VSTM1: variants seen among roughly 807,000 people sequenced by gnomAD.
VSTM1 encodes V-set and transmembrane domain containing 1, also known as V-set and transmembrane domain-containing protein 1.
In VSTM1, 27 loss-of-function variants were observed where a neutral mutation model predicts 33.1. That is an observed-to-expected ratio of 0.82 (90% CI 0.60 to 1.12). The LOEUF (loss-of-function observed/expected upper bound fraction) is 1.12. Ranked by LOEUF, VSTM1 falls within the 50% of genes most tolerant of loss-of-function variation. VSTM1 has a pLI of 0.00. For synonymous variants in VSTM1, 115 were observed against 110.3 expected (o/e 1.04, Z -0.27); for missense variants, 304 against 288.9 (o/e 1.05, Z -0.38).
chr19:54,058,842 T>TATAA (rs1384714521), intron 1 of VSTM1, 110 bp from the exon 2 acceptor site: 5 of 496,322 alleles, frequency 1.0e-5, no homozygotes, highest in East Asian at 3.8e-5. Context: ...TATATATATA[T>TATAA]AATGTATATA....
Position 54,042,640 on chromosome 19 carries a change from G to A in VSTM1, c.395-271C>T, listed in dbSNP as rs181426674. ...AGAAAGGGCTGGAACAGTGCTTGGC[G>A]CATAGGAAATTCCAAAAATTCCCAG... On this transcript the variant is annotated intron_variant, in intron 4 of 8. Transcript: ENST00000338372. 5.6e-3 allele frequency among the ~76,000 whole-genome samples: 851 copies of A among 151,296 alleles called. 9 individuals are homozygous for A. Among genetic ancestry groups the A allele is most frequent in the African/African-American group, 0.019 (792 of 41,242 alleles).
chr19:54,058,269 A>T (rs2071204908), intron 3 of VSTM1, 37 bp downstream of exon 3: 4 of 1,552,426 alleles, frequency 2.6e-6, no homozygotes, highest in Non-Finnish European at 3.5e-6. Context: ...CAAACCAAAG[A>T]AATGTGTGCA....
At chr19:54,059,626 G>A (rs1296081203) in intron 1 of VSTM1, among the ~76,000 whole-genome samples, 5 of 150,772 alleles carry the variant, frequency 3.3e-5, no homozygotes, top group East Asian at 4.0e-4. Flanking sequence ...GTGTGCCATC[G>A]TGCCCAGCTA....
In VSTM1 at chr19:54,063,887, T is replaced by G. The variant is rs2071522037; in HGVS notation, c.-110A>C. ...GGCTGCCCGGTTCGTCCCCAGGATG[T>G]GCAGATAGAGGAGGTTTTGCTCTGA... On this transcript the variant is annotated 5_prime_UTR_variant, in exon 1 of 9. Transcript: ENST00000338372. 4 of 1,226,388 alleles carry G rather than the reference T, an allele frequency of 3.3e-6. No individual in the cohort carries two copies. The highest frequency in any genetic ancestry group is 1.6e-5 in the African/African-American group (1 of 64,248). The allele number at this position is 1,226,388 out of a possible 1,614,324, so 76.0% of individuals were successfully genotyped here. A position where few individuals can be genotyped will look rare whatever the true frequency, so the allele number is the denominator to read the frequency against.
Position 54,058,710 on chromosome 19 carries a change from A to T in VSTM1, c.57T>A (p.Asp19Glu). Reference protein sequence around the residue: ...LCLGLCLGYEDEKKNEKPPKP... With the variant: ...LCLGLCLGYEEEKKNEKPPKP... ...GAGAAAACTCACCATTCTTTTTCTC[A>T]TCTTCGTAGCCCAGACACAGCCCTG... The change falls in exon 2 of 9, where the codon GAT becomes GAA. Residue 19 changes from aspartate (D) to glutamate (E), a missense_variant. Coordinates refer to ENST00000338372, the MANE Select transcript of VSTM1 (RefSeq NM_198481.4). The T allele has an allele frequency of 1.2e-6, 2 of 1,613,976 alleles. No homozygotes were observed. The highest frequency in any genetic ancestry group is 1.7e-6 in the Non-Finnish European group (2 of 1,180,012).
rs869203085 is a variant in VSTM1, at chr19:54,056,214, C to CTTTT, written c.355+2088_355+2091dup. ...TTCTTTCTTTCTTTTCTTTTCTTTT[C>CTTTT]TTTTTTTTTTTTTTTTTTTTTTTTT... On this transcript the variant is annotated intron_variant, in intron 3 of 8. Coordinates refer to ENST00000338372, the MANE Select transcript of VSTM1 (RefSeq NM_198481.4). Among the ~76,000 whole-genome samples the CTTTT allele has an allele frequency of 2.8e-3, 109 of 39,156 alleles. 6 individuals carry two copies. Among genetic ancestry groups the CTTTT allele is most frequent in the African/African-American group, 7.9e-3 (81 of 10,276 alleles). The allele number at this position is 39,156 out of a possible 152,430, so 25.7% of individuals were successfully genotyped here.
chr19:54,049,693 A>C (rs2070747879), intron 4 of VSTM1, among the ~76,000 whole-genome samples: 1 of 152,134 alleles, frequency 6.6e-6, no homozygotes, highest in Non-Finnish European at 1.5e-5. Context: ...TTGTGTTCGT[A>C]GTGCTAGGGT....
intron 1 of VSTM1, among the ~76,000 whole-genome samples, chr19:54,061,883 C>T (rs2071410523): frequency 6.6e-6 from 1 of 151,676 alleles, no homozygotes; most frequent in African/African-American, 2.4e-5. Flanking sequence ...ATGCCGGGAG[C>T]GCTGGCTCAC....
intron 1 of VSTM1, among the ~76,000 whole-genome samples, chr19:54,062,048 T>C (rs1363323497): frequency 6.6e-6 from 1 of 150,928 alleles, no homozygotes; most frequent in Admixed American, 6.6e-5. Context: ...CCCAGCTACT[T>C]GGGAGGCTAA....
intron 4 of VSTM1, among the ~76,000 whole-genome samples, chr19:54,043,954 C>A (rs1436399510): frequency 6.6e-6 from 1 of 151,866 alleles, no homozygotes; most frequent in Non-Finnish European, 1.5e-5. Flanking sequence ...CAATGGGTTC[C>A]CATTGTTGCC....
At chr19:54,045,412 A>G (rs1600115588) in intron 4 of VSTM1, among the ~76,000 whole-genome samples, 1 of 152,048 alleles carries the variant, frequency 6.6e-6, no homozygotes, top group African/African-American at 2.4e-5. Context: ...CTGTCTGTCT[A>G]ATTTTTCTAT....
intron 8 of VSTM1, among the ~76,000 whole-genome samples, chr19:54,041,341 G>T (rs985120633): frequency 6.6e-6 from 1 of 151,134 alleles, no homozygotes; most frequent in African/African-American, 2.4e-5. Context: ...TGGCTCTGTC[G>T]CCCAGGCTGG....
chr19:54,054,569 G>T (rs559242220), intron 3 of VSTM1, among the ~76,000 whole-genome samples: 1 of 142,790 alleles, frequency 7.0e-6, no homozygotes, highest in African/African-American at 2.6e-5. Flanking sequence ...TGGCAGGACT[G>T]ACCTACTGGA....
In VSTM1 at chr19:54,051,441, G is replaced by C. The variant is rs373982331; in HGVS notation, c.363C>G (p.His121Gln). The change falls in exon 4 of 9, where the codon CAC (histidine) becomes CAG (glutamine). Residue 121 changes from histidine to glutamine, a missense_variant. Transcript: ENST00000338372. ...EHLQLVVTDK[H>Q]DELEAPSMKT... is the part of the protein sequence containing the mutation. ...TCATTGAGGGAGCTTCAAGTTCATC[G>C]TGTTTATCTAGAAAATAGGAGGGAA... The C allele has an allele frequency of 2.5e-6, 4 of 1,593,714 alleles. No individual in the cohort carries two copies. In the Middle Eastern group the frequency reaches 5.0e-4, roughly 199 times the overall value.
intron 1 of VSTM1, among the ~76,000 whole-genome samples, chr19:54,061,619 C>T (rs1210910221): frequency 6.6e-6 from 1 of 152,000 alleles, no homozygotes; most frequent in East Asian, 1.9e-4. Context: ...TGGAGACTAG[C>T]CTGGGCAATA....
chr19:54,060,464 C>T (rs1265586506), intron 1 of VSTM1, among the ~76,000 whole-genome samples: 2 of 152,086 alleles, frequency 1.3e-5, no homozygotes, highest in African/African-American at 2.4e-5. Context: ...CAGAACGTGA[C>T]CCCCCACCAA....
rs1347102625 is a variant in VSTM1, at chr19:54,051,559, A to G, written c.356-111T>C. On this transcript the variant is annotated intron_variant, in intron 3 of 8. Transcript: ENST00000338372. ...TCCTGTTCTTCTTTGGGAAGCAGAA[A>G]AGAGAATGGCTTCTCCATTCCCTAG... The G allele has an allele frequency of 1.1e-4, 90 of 801,044 alleles. No homozygotes were observed. In the East Asian group the frequency reaches 2.6e-3, roughly 23 times the overall value. The allele number at this position is 801,044 out of a possible 1,614,324, so 49.6% of individuals were successfully genotyped here. A position where few individuals can be genotyped will look rare whatever the true frequency, so the allele number is the denominator to read the frequency against.
intron 4 of VSTM1, among the ~76,000 whole-genome samples, chr19:54,043,976 G>A (rs770009508): frequency 2.0e-5 from 3 of 152,040 alleles, no homozygotes; most frequent in African/African-American, 7.2e-5. Context: ...AGGCTAGAGT[G>A]CAGTGGTGTG....
intron 3 of VSTM1, among the ~76,000 whole-genome samples, chr19:54,054,864 G>A (rs376043983): frequency 1.2e-5 from 1 of 85,814 alleles, no homozygotes; most frequent in Non-Finnish European, 2.9e-5. Flanking sequence ...TGGATGGATG[G>A]ATGGATGGAT....
Sources: gnomAD v4.1 joint callset for allele counts (sites outside exome capture counted in the v4.1 genomes callset) on GRCh38, gnomAD v4.1.1 for gene constraint, MANE v1.5 for transcripts, NCBI Gene and HGNC (gene_info 2026-07-23, HGNC 2026-07-21) for gene names.